SMAD6: variants seen among roughly 807,000 people sequenced by gnomAD.
The protein encoded by SMAD6 is MAD homolog 6.
A neutral mutation model predicts 39.4 loss-of-function variants in SMAD6; 103 were observed. The ratio of observed to expected loss-of-function variants is 2.62; its 90% CI spans 2.23 to 3.08. The LOEUF is 3.08. Ranked by LOEUF, SMAD6 falls within the 30% of genes most tolerant of loss-of-function variation. The pLI is 0.00. For missense variants in SMAD6, 1,104 were observed against 742.9 expected (o/e 1.49, Z -5.65); for synonymous variants, 445 against 353.3 (o/e 1.26, Z -2.91).
At chr15:66,768,139 T>A (rs1488692518) in intron 3 of SMAD6, among the ~76,000 whole-genome samples, 5 of 151,938 alleles carry the variant, frequency 3.3e-5, no homozygotes, top group Non-Finnish European at 7.4e-5. Flanking sequence ...GTCTGGATAA[T>A]TTTTTATTTT....
intron 3 of SMAD6, 137 bp from the exon 4 acceptor site, chr15:66,780,860 C>A: frequency 1.3e-6 from 1 of 756,632 alleles, no homozygotes; most frequent in Non-Finnish European, 2.1e-6. Context: ...ACCTGGCACA[C>A]GGTGCCCACA....
At chr15:66,741,778 A>C (rs985367807) in intron 3 of SMAD6, among the ~76,000 whole-genome samples, 1 of 152,172 alleles carries the variant, frequency 6.6e-6, no homozygotes, top group African/African-American at 2.4e-5. Flanking sequence ...TGCAGCTGTC[A>C]CCACTCCCTC....
rs779805606 is a variant in SMAD6, at chr15:66,703,651, G to GCGGGACGCCGCCGGCGCGCCC, written c.403_423dup (p.Ala135_Ala141dup). On this transcript the variant is annotated inframe_insertion, in exon 1 of 4. Transcript: ENST00000288840. ...CGGTGACCTGCTGTCTCTTTTCGGA[G>GCGGGACGCCGCCGGCGCGCCC]CGGGACGCCGCCGGCGCGCCCCGGG... 3 of 1,232,510 alleles carry GCGGGACGCCGCCGGCGCGCCC rather than the reference G, an allele frequency of 2.4e-6. No homozygotes were observed. The highest frequency in any genetic ancestry group is 4.4e-5 in the Admixed American group (1 of 22,834). 76.3% of individuals were successfully genotyped at this position (1,232,510 alleles called of 1,614,324 possible).
At chr15:66,742,278 C>T (rs1019420607) in intron 3 of SMAD6, among the ~76,000 whole-genome samples, 27 of 152,176 alleles carry the variant, frequency 1.8e-4, no homozygotes, top group South Asian at 1.2e-3. Flanking sequence ...GCCCTGAGCG[C>T]GTGCCCTCTG....
chr15:66,733,362 G>C (rs1893662933), intron 3 of SMAD6, among the ~76,000 whole-genome samples: 1 of 152,152 alleles, frequency 6.6e-6, no homozygotes, highest in Admixed American at 6.5e-5. Flanking sequence ...GGATTGCATT[G>C]AATCTGTTGA....
chr15:66,709,011 T>C (rs887530916), intron 1 of SMAD6, among the ~76,000 whole-genome samples: 27 of 152,244 alleles, frequency 1.8e-4, no homozygotes, highest in African/African-American at 6.5e-4. Flanking sequence ...GCTACCTTCA[T>C]GTGTGGCCTT....
rs181619571 is a variant in SMAD6, at chr15:66,744,429, C to A, written c.952+27931C>A. Reference sequence around the variant, plus strand: ...CACGTGTCAGGACACCTGGCAAACACCTGGAAGGCCACCGGATCCCAAGTC... The same window carrying A: ...CACGTGTCAGGACACCTGGCAAACAACTGGAAGGCCACCGGATCCCAAGTC... On this transcript the variant is annotated intron_variant, in intron 3 of 3. Transcript: ENST00000288840. 5.2e-3 allele frequency among the ~76,000 whole-genome samples: 789 copies of A among 152,310 alleles called. 8 individuals carry two copies. Among genetic ancestry groups the A allele is most frequent in the African/African-American group, 0.018 (755 of 41,568 alleles).
chr15:66,743,960 T>A (rs576809426), intron 3 of SMAD6, among the ~76,000 whole-genome samples: 3 of 152,172 alleles, frequency 2.0e-5, no homozygotes, highest in South Asian at 2.1e-4. Context: ...TTTTTTTTTT[T>A]AAAAGAAACT....
Position 66,703,770 on chromosome 15 carries a change from A to T in SMAD6, c.512A>T (p.Glu171Val). The T allele has an allele frequency of 7.0e-7, 1 of 1,423,824 alleles. No homozygotes were observed. Among genetic ancestry groups the T allele is most frequent in the Non-Finnish European group, 9.3e-7 (1 of 1,077,224 alleles). The allele number at this position is 1,423,824 out of a possible 1,614,324, so 88.2% of individuals were successfully genotyped here. A position where few individuals can be genotyped will look rare whatever the true frequency, so the allele number is the denominator to read the frequency against. Residue 171 changes from glutamate to valine, a missense_variant, in exon 1 of 4, where the codon GAA (glutamate) becomes GTA (valine). By Grantham distance (121) the Glu-to-Val change is moderately radical (BLOSUM62 -2). Transcript: ENST00000288840. ...ARSRLLLLEQ[E>V]LKTVTYSLLK... Reference sequence around the variant, plus strand: ...TCGCGGCTGCTGCTGCTGGAGCAGGAACTCAAAACCGTCACGTACTCGCTG... The same window carrying T: ...TCGCGGCTGCTGCTGCTGGAGCAGGTACTCAAAACCGTCACGTACTCGCTG...
At chr15:66,738,207 C>T (rs1236633948) in intron 3 of SMAD6, among the ~76,000 whole-genome samples, 1 of 152,182 alleles carries the variant, frequency 6.6e-6, no homozygotes, top group Admixed American at 6.5e-5. Context: ...AAGAAAACAG[C>T]CCCCTGCCCG....
chr15:66,742,848 G>C (rs1302924626), intron 3 of SMAD6, among the ~76,000 whole-genome samples: 3 of 152,138 alleles, frequency 2.0e-5, no homozygotes, highest in Non-Finnish European at 4.4e-5. Flanking sequence ...CCTGAGGCCT[G>C]GCTTTGTTTC....
At chr15:66,727,980 A>G (rs565920408) in intron 3 of SMAD6, among the ~76,000 whole-genome samples, 38 of 151,900 alleles carry the variant, frequency 2.5e-4, no homozygotes, top group Middle Eastern at 3.4e-3. Context: ...AGCCTCCCCA[A>G]GTAGCTGGGA....
intron 3 of SMAD6, among the ~76,000 whole-genome samples, chr15:66,746,932 G>C (rs1893919369): frequency 1.3e-5 from 2 of 152,196 alleles, no homozygotes; most frequent in South Asian, 4.1e-4. Flanking sequence ...AGAGTTGGGG[G>C]CATGATCCAG....
At chr15:66,733,236 G>A (rs1045274486) in intron 3 of SMAD6, among the ~76,000 whole-genome samples, 2 of 152,182 alleles carry the variant, frequency 1.3e-5, no homozygotes, top group Admixed American at 6.5e-5. Flanking sequence ...ATCAGGTCAT[G>A]TGAGTCTTTT....
chr15:66,703,175 G>A lies in SMAD6; in HGVS notation c.-84G>A, dbSNP rs983125307. ...GGAGCTTCATGTGGGGCTGCGACCC[G>A]CGCAGCCGGCGCCTCGCTGAGGGAA... On this transcript the variant is annotated 5_prime_UTR_variant, in exon 1 of 4. Transcript: ENST00000288840. 2.4e-5 allele frequency: 26 copies of A among 1,066,804 alleles called. No homozygotes were observed. The highest frequency in any genetic ancestry group is 3.3e-5 in the East Asian group (1 of 30,728). The allele number at this position is 1,066,804 out of a possible 1,614,324, so 66.1% of individuals were successfully genotyped here.
intron 3 of SMAD6, among the ~76,000 whole-genome samples, chr15:66,734,868 T>G (rs889602816): frequency 6.6e-5 from 10 of 152,266 alleles, no homozygotes. Flanking sequence ...TTTTATGTTA[T>G]GTGTATTTTA....
At chr15:66,765,716 T>TGGGG (rs952423672) in intron 3 of SMAD6, among the ~76,000 whole-genome samples, 11 of 152,128 alleles carry the variant, frequency 7.2e-5, no homozygotes, top group African/African-American at 2.4e-4. Context: ...TTTATGATGA[T>TGGGG]GGGGGCATGC....
intron 3 of SMAD6, among the ~76,000 whole-genome samples, chr15:66,762,003 G>A (rs568592696): frequency 2.0e-5 from 3 of 152,310 alleles, no homozygotes; most frequent in East Asian, 3.9e-4. Context: ...AGGCTGCGGC[G>A]TCTTCAGGCT....
At chr15:66,744,191 A>G (rs749646357) in intron 3 of SMAD6, among the ~76,000 whole-genome samples, 2 of 152,094 alleles carry the variant, frequency 1.3e-5, no homozygotes, top group Admixed American at 6.5e-5. Flanking sequence ...TTTCCAAACC[A>G]CGAGCCCAGA....
Sources: allele counts gnomAD v4.1 joint callset (sites outside exome capture counted in the v4.1 genomes callset), GRCh38; gene constraint gnomAD v4.1.1; transcripts MANE v1.5; gene names NCBI Gene and HGNC (gene_info 2026-07-23, HGNC 2026-07-21).